Variants in MYO5B observed in about 807,000 individuals in gnomAD.
MYO5B encodes unconventional myosin-Vb.
A neutral mutation model predicts 229.3 loss-of-function variants in MYO5B; 143 were observed. The ratio of observed to expected loss-of-function variants is 0.62; its 90% CI spans 0.54 to 0.72. The LOEUF (loss-of-function observed/expected upper bound fraction) is 0.72, where lower values mean the gene tolerates loss of function less well. Among genes scored for constraint, MYO5B ranks in the 30% least tolerant of loss-of-function variants. The probability of loss-of-function intolerance (pLI) is 0.00; values close to 1 mark genes in which losing one functional copy is unlikely to be tolerated. For missense variants in MYO5B, 2,321 were observed against 2,331.0 expected, an observed-to-expected ratio of 1.00 and a Z score of 0.09; for synonymous variants, 918 against 885.2, an observed-to-expected ratio of 1.04 and a Z score of -0.66.
intron 4 of MYO5B, among the ~76,000 whole-genome samples, chr18:50,033,510 T>C (rs532136954): frequency 6.6e-6 from 1 of 152,308 alleles, no homozygotes; most frequent in East Asian, 1.9e-4. Context: ...GGTGAGGTCT[T>C]ACATTTCCTA....
At chr18:49,861,242 C>T (rs1598839312) in intron 29 of MYO5B, among the ~76,000 whole-genome samples, 1 of 152,188 alleles carries the variant, frequency 6.6e-6, no homozygotes, top group Admixed American at 6.5e-5. Context: ...TTTATTTTAT[C>T]ACCATCATTA....
chr18:50,128,312 G>A (rs1045658328), intron 1 of MYO5B, among the ~76,000 whole-genome samples: 1 of 152,154 alleles, frequency 6.6e-6, no homozygotes, highest in Admixed American at 6.5e-5. Context: ...GGCTTTGAAG[G>A]GGGAGAGAGA....
chr18:50,073,020 C>T (rs563583131), intron 1 of MYO5B, among the ~76,000 whole-genome samples: 3 of 152,240 alleles, frequency 2.0e-5, no homozygotes, highest in Admixed American at 6.5e-5. Context: ...GGAGTCACAT[C>T]GTAGCCAAAG....
At position 49,937,626 on chromosome 18, in the gene MYO5B, A is replaced by T. The variant is rs1377389354; in HGVS notation, c.1753-229T>A. On this transcript the variant is annotated intron_variant, in intron 14 of 39. Transcript: ENST00000285039. ...CAAATGTGGTACCTCCATACAATGG[A>T]TTATTCAACATTATTAATAAATTCA... is the stretch of plus-strand genomic sequence containing the variant. Among the ~76,000 whole-genome samples, 3 of 152,188 alleles carry T rather than the reference A, an allele frequency of 2.0e-5. No individual in the cohort carries two copies. In the East Asian group the frequency reaches 5.8e-4, roughly 29 times the overall value.
chr18:50,128,860 C>T (rs2032209430), intron 1 of MYO5B, among the ~76,000 whole-genome samples: 3 of 152,190 alleles, frequency 2.0e-5, no homozygotes, highest in Admixed American at 2.0e-4. Flanking sequence ...GGGGAAACCA[C>T]CTTCCACCAG....
chr18:49,904,491 A>C (rs1315217198), intron 20 of MYO5B, among the ~76,000 whole-genome samples, 181 bp downstream of exon 20: 1 of 152,256 alleles, frequency 6.6e-6, no homozygotes, highest in East Asian at 1.9e-4. Flanking sequence ...GGACTAAGAC[A>C]ACAGTATGCA....
At chr18:49,952,436 C>T (rs1235500932) in intron 14 of MYO5B, among the ~76,000 whole-genome samples, 1 of 151,490 alleles carries the variant, frequency 6.6e-6, no homozygotes, top group East Asian at 1.9e-4. Context: ...ACACGCTTCC[C>T]CTGACTCTAC....
At chr18:50,141,192 C>T (rs2032411928) in intron 1 of MYO5B, among the ~76,000 whole-genome samples, 1 of 152,196 alleles carries the variant, frequency 6.6e-6, no homozygotes, top group South Asian at 2.1e-4. Context: ...ATAAGACAGG[C>T]CCACCCATGT....
chr18:50,056,193 C>A (rs556042812), intron 1 of MYO5B, among the ~76,000 whole-genome samples: 4 of 152,218 alleles, frequency 2.6e-5, no homozygotes, highest in Non-Finnish European at 4.4e-5. Flanking sequence ...AAGAACACAG[C>A]CCTTGGTAAA....
At chr18:50,155,756 G>A (rs553112695) in intron 1 of MYO5B, among the ~76,000 whole-genome samples, 26 of 152,256 alleles carry the variant, frequency 1.7e-4, no homozygotes, top group African/African-American at 6.0e-4. Context: ...CTTTCTGATC[G>A]GTTAGTGAGA....
intron 12 of MYO5B, among the ~76,000 whole-genome samples, chr18:49,956,613 T>C (rs2025494943): frequency 6.6e-6 from 1 of 152,224 alleles, no homozygotes; most frequent in African/African-American, 2.4e-5. Context: ...TTCTGGGTCA[T>C]GGATATCGGT....
Position 49,841,464 on chromosome 18 carries a change from GA to G in MYO5B, c.4612-11del. 3 of 1,612,698 alleles carry G rather than the reference GA, an allele frequency of 1.9e-6. No individual in the cohort carries two copies. Among genetic ancestry groups the G allele is most frequent in the Non-Finnish European group, 2.5e-6 (3 of 1,178,726 alleles). The stretch of plus-strand genomic sequence containing the variant: ...AGTCATCATTGTGCTTCTGTGAAAA[GA>G]AAAGGACATCCTCAGCTCTAAGTGG... On this transcript the variant is annotated splice_polypyrimidine_tract_variant and intron_variant, in intron 34 of 39. Transcript: ENST00000285039.
chr18:49,866,305 G>A (rs1182377854), intron 27 of MYO5B, among the ~76,000 whole-genome samples: 1 of 151,746 alleles, frequency 6.6e-6, no homozygotes, highest in Non-Finnish European at 1.5e-5. Context: ...TCCTGACCTC[G>A]TGATCCGCCC....
At chr18:50,031,291 T>C (rs1263327921) in intron 4 of MYO5B, among the ~76,000 whole-genome samples, 10 of 152,182 alleles carry the variant, frequency 6.6e-5, no homozygotes, top group Admixed American at 6.5e-4. Flanking sequence ...AGTATCATTT[T>C]TCTCAGGTAA....
rs536650806 is a variant in MYO5B, at chr18:49,913,442, T to C, written c.2091-1269A>G. ...CACAATCCCTACTCTAAGGAGACTT[T>C]GAATTTTCACTCTACATCCCTCTGA... On this transcript the variant is annotated intron_variant, in intron 17 of 39. Transcript: ENST00000285039. 1.3e-4 allele frequency among the ~76,000 whole-genome samples: 20 copies of C among 152,316 alleles called. No homozygotes were observed. In the East Asian group the frequency reaches 3.7e-3, roughly 28 times the overall value.
chr18:50,116,261 G>T (rs867285594), intron 1 of MYO5B, among the ~76,000 whole-genome samples: 1 of 152,178 alleles, frequency 6.6e-6, no homozygotes, highest in African/African-American at 2.4e-5. Context: ...TCTCTCTGCA[G>T]TATAGGCGGA....
rs534173925 is a variant in MYO5B at position 49,953,076 on chromosome 18, T to C, written c.1752+184A>G. ...CATACTAAAGTGTTTTCAGACAAGA[T>C]TGGACACATTCACAGTGGTATGGCC... On this transcript the variant is annotated intron_variant, in intron 14 of 39. Transcript: ENST00000285039. 7.9e-5 allele frequency among the ~76,000 whole-genome samples: 12 copies of C among 152,294 alleles called. No individual in the cohort carries two copies. The South Asian group carries it at 2.3e-3, about 29-fold the overall frequency.
intron 10 of MYO5B, among the ~76,000 whole-genome samples, chr18:49,968,308 C>T (rs1175080850): frequency 6.6e-6 from 1 of 152,180 alleles, no homozygotes; most frequent in Non-Finnish European, 1.5e-5. Context: ...TTTCTGCAAC[C>T]AGTTACAGGG....
At chr18:49,880,328 G>C in intron 23 of MYO5B, 43 bp downstream of exon 23, 1 of 1,539,598 alleles carries the variant, frequency 6.5e-7, no homozygotes, top group Non-Finnish European at 9.0e-7. Context: ...GTGAGGAAAA[G>C]AGATTAAAAC....
Sources: allele counts gnomAD v4.1 joint callset (sites outside exome capture counted in the v4.1 genomes callset), GRCh38; gene constraint gnomAD v4.1.1; transcripts MANE v1.5; gene names NCBI Gene and HGNC (gene_info 2026-07-23, HGNC 2026-07-21).